OLA1: variants seen among roughly 807,000 people sequenced by gnomAD.
OLA1 encodes Obg like ATPase 1, also known as obg-like ATPase 1.
Under a neutral mutation model 48.4 loss-of-function variants are expected in OLA1, and 14 were observed. The observed-to-expected ratio is 0.29, with a 90% confidence interval of 0.19 to 0.45. The LOEUF (loss-of-function observed/expected upper bound fraction) is 0.45, where lower values mean the gene tolerates loss of function less well. OLA1 is among the 20% of genes least tolerant of loss of function. The probability of loss-of-function intolerance (pLI) is 1.00; values close to 1 mark genes in which losing one functional copy is unlikely to be tolerated. For synonymous variants in OLA1, 127 were observed against 150.4 expected (o/e 0.84, Z 1.14); for missense variants, 325 against 467.1 (o/e 0.70, Z 2.80).
At position 174,078,977 on chromosome 2, in the gene OLA1, A is replaced by G; in HGVS notation, c.1080T>C (p.Asn360=). 6.2e-7 allele frequency: 1 copy of G among 1,600,282 alleles called. No homozygotes were observed. Among genetic ancestry groups the G allele is most frequent in the Non-Finnish European group, 8.5e-7 (1 of 1,175,146 alleles). The change falls in exon 10 of 11, where the codon AAT becomes AAC. Residue 360 remains asparagine (N), a synonymous_variant. Coordinates refer to ENST00000284719, the MANE Select transcript of OLA1 (RefSeq NM_013341.5). ...AAAAACAATTCTTTACCTTGACTGC[A>G]TTTTCAGAACCTTCCTCTTTAAAAT... The part of the protein sequence containing the change: ...YEDFKEEGSE[N]AVKAAGKYRQ...
Position 174,211,145 on chromosome 2 carries a change from C to T in OLA1, c.373+11888G>A, listed in dbSNP as rs184231405. ...ATTAGGACAAAGAGGTAAGGGCAGC[C>T]GTCCCTTCCCTTAGCCTCCCTTCCT... On this transcript the variant is annotated intron_variant, in intron 4 of 10. Coordinates refer to ENST00000284719, the MANE Select transcript of OLA1 (RefSeq NM_013341.5). Among the ~76,000 whole-genome samples the T allele has an allele frequency of 1.4e-3, 217 of 151,350 alleles. 5 individuals are homozygous for T. In the South Asian group the frequency reaches 0.034, roughly 24 times the overall value.
intron 7 of OLA1, among the ~76,000 whole-genome samples, chr2:174,117,314 T>C (rs1483832512): frequency 6.6e-6 from 1 of 152,192 alleles, no homozygotes; most frequent in Non-Finnish European, 1.5e-5. Context: ...CAATGAATTA[T>C]CTTCTACATG....
intron 7 of OLA1, among the ~76,000 whole-genome samples, chr2:174,091,140 C>T (rs2358389): frequency 0.4 from 60,198 of 151,980 alleles, 13,699 homozygotes; most frequent in East Asian, 0.94. Context: ...GGGAAAGAGT[C>T]TCAGCTAATA....
chr2:174,079,914 T>C (rs946790553), intron 9 of OLA1, among the ~76,000 whole-genome samples: 6 of 151,992 alleles, frequency 3.9e-5, no homozygotes, highest in African/African-American at 1.4e-4. Flanking sequence ...AAATCATGGA[T>C]ACTTACAATC....
intron 7 of OLA1, among the ~76,000 whole-genome samples, chr2:174,119,428 GT>G (rs1297111249): frequency 1.3e-5 from 2 of 151,964 alleles, no homozygotes; most frequent in Non-Finnish European, 2.9e-5. Flanking sequence ...TATAGAAATA[GT>G]TTTTTATATT....
chr2:174,115,933 T>G (rs1468844856), intron 7 of OLA1, among the ~76,000 whole-genome samples: 4 of 152,228 alleles, frequency 2.6e-5, no homozygotes, highest in Non-Finnish European at 5.9e-5. Flanking sequence ...GAGAAAGGGC[T>G]TTTTCTGTTC....
intron 7 of OLA1, among the ~76,000 whole-genome samples, 180 bp from the exon 8 acceptor site, chr2:174,082,244 C>T (rs570465371): frequency 2.6e-5 from 4 of 152,184 alleles, no homozygotes; most frequent in African/African-American, 9.6e-5. Flanking sequence ...AGGTATACGC[C>T]ATAGTATTTT....
At chr2:174,139,864 CAAAAA>C (rs1162058790) in intron 5 of OLA1, among the ~76,000 whole-genome samples, 2 of 76,968 alleles carry the variant, frequency 2.6e-5, no homozygotes, top group Non-Finnish European at 2.6e-5. Flanking sequence ...GACTCAGTCT[CAAAAA>C]AAAAAAAAAA....
At chr2:174,164,198 T>C (rs929545985) in intron 4 of OLA1, among the ~76,000 whole-genome samples, 1 of 152,034 alleles carries the variant, frequency 6.6e-6, no homozygotes, top group African/African-American at 2.4e-5. Context: ...TAAACCTATT[T>C]TCTTTATAAA....
chr2:174,239,133 G>A (rs1400379854), intron 2 of OLA1, among the ~76,000 whole-genome samples: 2 of 152,078 alleles, frequency 1.3e-5, no homozygotes, highest in Non-Finnish European at 2.9e-5. Context: ...AGAAATAAGG[G>A]ATATTTTTTA....
At chr2:174,118,481 A>T (rs369003461) in intron 7 of OLA1, among the ~76,000 whole-genome samples, 4 of 152,324 alleles carry the variant, frequency 2.6e-5, no homozygotes, top group African/African-American at 9.6e-5. Flanking sequence ...CAAACTTTAT[A>T]TTTCATTTCC....
chr2:174,100,653 G>A (rs1014161011), intron 7 of OLA1, among the ~76,000 whole-genome samples: 3 of 152,046 alleles, frequency 2.0e-5, no homozygotes, highest in South Asian at 2.1e-4. Flanking sequence ...AATGATCCCC[G>A]CCTCAGCCTC....
chr2:174,196,641 G>C (rs190869581), intron 4 of OLA1, among the ~76,000 whole-genome samples: 73 of 152,304 alleles, frequency 4.8e-4, no homozygotes, highest in African/African-American at 1.6e-3. Flanking sequence ...TGCAAAGCAA[G>C]TACCACAAGT....
At chr2:174,076,880 A>G (rs1482446668) in intron 10 of OLA1, among the ~76,000 whole-genome samples, 1 of 151,982 alleles carries the variant, frequency 6.6e-6, no homozygotes, top group Non-Finnish European at 1.5e-5. Context: ...ATTGAAGGCC[A>G]TAAGCTACTT....
intron 4 of OLA1, among the ~76,000 whole-genome samples, chr2:174,193,670 A>G (rs1306219782): frequency 6.6e-6 from 1 of 152,126 alleles, no homozygotes; most frequent in Non-Finnish European, 1.5e-5. Flanking sequence ...TCCTGTAGAA[A>G]TATCTTGTTT....
chr2:174,123,418 G>A (rs1685966940), intron 6 of OLA1, 141 bp from the exon 7 acceptor site: 2 of 600,746 alleles, frequency 3.3e-6, no homozygotes, highest in Middle Eastern at 2.9e-4. Context: ...AAGATTAGTG[G>A]TTATGAAATA....
intron 4 of OLA1, among the ~76,000 whole-genome samples, chr2:174,158,735 G>A (rs1286617928): frequency 6.6e-6 from 1 of 152,068 alleles, no homozygotes; most frequent in East Asian, 1.9e-4. Flanking sequence ...GAACTATTTT[G>A]TCTTTAGAGC....
intron 4 of OLA1, among the ~76,000 whole-genome samples, chr2:174,143,956 T>C (rs554369048): frequency 1.9e-4 from 29 of 151,954 alleles, no homozygotes; most frequent in African/African-American, 7.0e-4. Flanking sequence ...TTAAAAAATA[T>C]AGTCGGGCAT....
rs575026912 is a variant in OLA1, at chr2:174,110,302, ATTTTTTT to A, written c.728+12871_728+12877del. On this transcript the variant is annotated intron_variant, in intron 7 of 10. Coordinates refer to ENST00000284719, the MANE Select transcript of OLA1 (RefSeq NM_013341.5). ...TACAGGCATGTGCCACCATGCTTGG[ATTTTTTT>A]TTTTTTTTTTTTTTGTATTTTTAGT... is the stretch of plus-strand genomic sequence containing the variant. 6.3e-3 allele frequency among the ~76,000 whole-genome samples: 722 copies of A among 113,862 alleles called. 10 individuals are homozygous for A. In the Middle Eastern group the frequency reaches 0.08, roughly 13 times the overall value. The allele number at this position is 113,862 out of a possible 152,430, so 74.7% of individuals were successfully genotyped here.
Sources: allele counts gnomAD v4.1 joint callset (sites outside exome capture counted in the v4.1 genomes callset), GRCh38; gene constraint gnomAD v4.1.1; transcripts MANE v1.5; gene names NCBI Gene and HGNC (gene_info 2026-07-23, HGNC 2026-07-21).